Variants in FBP1 observed in about 807,000 individuals in gnomAD.
FBP1 encodes the protein fructose-bisphosphatase 1.
In FBP1, 22 loss-of-function variants were observed where a neutral mutation model predicts 29.9. The ratio of observed to expected loss-of-function variants is 0.74; its 90% CI spans 0.53 to 1.05. The LOEUF (loss-of-function observed/expected upper bound fraction) is 1.05. Among genes scored for constraint, FBP1 ranks in the 50% least tolerant of loss-of-function variants. The pLI, the probability that FBP1 is intolerant of heterozygous loss-of-function variation, is 0.00. For synonymous variants in FBP1, 175 were observed against 178.6 expected, an observed-to-expected ratio of 0.98 and a Z score of 0.16; for missense variants, 345 against 448.2, an observed-to-expected ratio of 0.77 and a Z score of 2.08.
At position 94,604,074 on chromosome 9, in the gene FBP1, G is replaced by A. The variant is rs1431002519; in HGVS notation, c.826-502C>T. 7 of 203,934 alleles carry A rather than the reference G, an allele frequency of 3.4e-5. No individual in the cohort carries two copies. In the South Asian group the frequency reaches 6.4e-4, roughly 19 times the overall value. The allele number at this position is 203,934 out of a possible 1,614,324, so 12.6% of individuals were successfully genotyped here. On this transcript the variant is annotated intron_variant, in intron 6 of 6. Coordinates refer to ENST00000375326, the MANE Select transcript of FBP1 (RefSeq NM_000507.4). ...GCATTCCTTTTACGATTCTCCGAAG[G>A]CTTTTGGGTTGGAATTCAGTGTATT...
At chr9:94,617,220 C>T (rs1827876880) in intron 3 of FBP1, among the ~76,000 whole-genome samples, 1 of 152,154 alleles carries the variant, frequency 6.6e-6, no homozygotes, top group Admixed American at 6.5e-5. Context: ...CCAATTAAAG[C>T]TTCATTCGTG....
chr9:94,609,802 C>G, intron 4 of FBP1, 119 bp downstream of exon 4: 1 of 1,125,158 alleles, frequency 8.9e-7, no homozygotes, highest in Middle Eastern at 2.8e-4. Context: ...ACATCATCAT[C>G]TCTGTCCCTC....
In FBP1 at chr9:94,603,197, G is replaced by A; in HGVS notation, c.*184C>T. On this transcript the variant is annotated 3_prime_UTR_variant, in exon 7 of 7. Transcript: ENST00000375326. ...ACTCAAAATATATCTTAACACCAGT[G>A]GCATTATGGAGACAGCATTTGGTTA... The A allele has an allele frequency of 1.6e-6, 1 of 635,140 alleles. No homozygotes were observed. Among genetic ancestry groups the A allele is most frequent in the South Asian group, 1.8e-5 (1 of 55,142 alleles). The allele number at this position is 635,140 out of a possible 1,614,324, so 39.3% of individuals were successfully genotyped here.
chr9:94,621,398 A>AAAAAAATAT (rs58726402), intron 1 of FBP1, among the ~76,000 whole-genome samples: 2 of 146,150 alleles, frequency 1.4e-5, no homozygotes, highest in African/African-American at 5.3e-5. Flanking sequence ...TCCGTCTAAA[A>AAAAAAATAT]ATATATATAT....
intron 1 of FBP1, among the ~76,000 whole-genome samples, chr9:94,638,186 T>C (rs1828223986): frequency 6.7e-6 from 1 of 148,334 alleles, no homozygotes; most frequent in Non-Finnish European, 1.5e-5. Flanking sequence ...CAAGAAGGGG[T>C]CCTTTGAGTC....
At chr9:94,617,741 C>T (rs774024350) in intron 3 of FBP1, 27 bp downstream of exon 3, 5 of 1,478,802 alleles carry the variant, frequency 3.4e-6, no homozygotes, top group Admixed American at 1.7e-5. Context: ...TGTCCCCAAA[C>T]CAAGTGCTTA....
chr9:94,622,757 A>G (rs1482145599), intron 1 of FBP1, among the ~76,000 whole-genome samples: 1 of 151,970 alleles, frequency 6.6e-6, no homozygotes, highest in Admixed American at 6.6e-5. Flanking sequence ...GCTCCACCCC[A>G]TGTCCCTGGG....
chr9:94,639,123 G>T lies in FBP1; in HGVS notation c.170+18C>A. Reference sequence around the variant, plus strand: ...GCAGACAGACAGGACGGGGCCCACCGCCCAAGGCCCGACTCACAGGTGCGC... The same window carrying T: ...GCAGACAGACAGGACGGGGCCCACCTCCCAAGGCCCGACTCACAGGTGCGC... On this transcript the variant is annotated intron_variant, in intron 1 of 6. Transcript: ENST00000375326. 6.3e-7 allele frequency: 1 copy of T among 1,584,128 alleles called. No homozygotes were observed. Among genetic ancestry groups the T allele is most frequent in the Non-Finnish European group, 8.6e-7 (1 of 1,166,560 alleles).
chr9:94,609,877 C>T (rs770139948), intron 4 of FBP1, 44 bp downstream of exon 4: 2 of 1,610,802 alleles, frequency 1.2e-6, no homozygotes, highest in Non-Finnish European at 8.5e-7. Flanking sequence ...TTCATTTGCT[C>T]ACAGACACCA....
chr9:94,613,136 C>G (rs1284428490), intron 3 of FBP1, among the ~76,000 whole-genome samples: 1 of 152,132 alleles, frequency 6.6e-6, no homozygotes, highest in Non-Finnish European at 1.5e-5. Flanking sequence ...GGAGCAGAAA[C>G]CAAACCCTAC....
chr9:94,620,384 C>T lies in FBP1; in HGVS notation c.278G>A (p.Cys93Tyr). 1 of 1,614,214 alleles carries T rather than the reference C, an allele frequency of 6.2e-7. No homozygotes were observed. The highest frequency in any genetic ancestry group is 2.2e-5 in the East Asian group (1 of 44,888). ...TTTATCTTCTTCTGACACGAGAACA[C>T]ACGTGGCAAAGGATGACTTTAACAT... Reference protein sequence around the residue: ...MNMLKSSFATCVLVSEEDKHA... With the variant: ...MNMLKSSFATYVLVSEEDKHA... Residue 93 changes from cysteine to tyrosine, a missense_variant, in exon 2 of 7, where the codon TGT (cysteine) becomes TAT (tyrosine). Coordinates refer to ENST00000375326, the MANE Select transcript of FBP1 (RefSeq NM_000507.4).
intron 3 of FBP1, among the ~76,000 whole-genome samples, chr9:94,617,064 G>A (rs1666871838): frequency 6.6e-6 from 1 of 152,124 alleles, no homozygotes; most frequent in Non-Finnish European, 1.5e-5. Flanking sequence ...TTAGAGCAAA[G>A]CTCAGTAAAC....
intron 1 of FBP1, among the ~76,000 whole-genome samples, chr9:94,633,232 C>T (rs1467562639): frequency 6.6e-6 from 1 of 152,040 alleles, no homozygotes; most frequent in Admixed American, 6.6e-5. Context: ...TCTTCCAAAT[C>T]CTTCCTCTCC....
intron 1 of FBP1, among the ~76,000 whole-genome samples, chr9:94,633,328 G>A (rs1010575178): frequency 5.9e-5 from 9 of 152,038 alleles, no homozygotes; most frequent in Admixed American, 3.3e-4. Flanking sequence ...TCGCTCTTCC[G>A]ATATACTTCC....
intron 1 of FBP1, among the ~76,000 whole-genome samples, chr9:94,621,797 C>A (rs1441587959): frequency 1.3e-5 from 2 of 152,118 alleles, no homozygotes; most frequent in Non-Finnish European, 2.9e-5. Context: ...ACCCAGCAAG[C>A]AAGGAAGCCT....
intron 1 of FBP1, among the ~76,000 whole-genome samples, chr9:94,623,240 C>T (rs1482895208): frequency 6.6e-6 from 1 of 152,144 alleles, no homozygotes; most frequent in Non-Finnish European, 1.5e-5. Flanking sequence ...CCACCTCAGC[C>T]TCCCAAAGTG....
chr9:94,614,555 G>A (rs1247230730), intron 3 of FBP1, among the ~76,000 whole-genome samples: 2 of 151,940 alleles, frequency 1.3e-5, no homozygotes, highest in African/African-American at 4.8e-5. Flanking sequence ...AGAAATAGTA[G>A]TAGTCGGTAG....
intron 3 of FBP1, among the ~76,000 whole-genome samples, chr9:94,614,857 C>T (rs1827839475): frequency 6.6e-6 from 1 of 152,182 alleles, no homozygotes; most frequent in African/African-American, 2.4e-5. Flanking sequence ...ACTGAAATGA[C>T]TTAGAGGTCT....
intron 3 of FBP1, among the ~76,000 whole-genome samples, chr9:94,616,429 A>G (rs934460652): frequency 6.6e-5 from 10 of 151,642 alleles, no homozygotes; most frequent in African/African-American, 1.2e-4. Context: ...CAAAGCTGTT[A>G]AAACTATATA....
Sources: gnomAD v4.1 joint callset for allele counts (sites outside exome capture counted in the v4.1 genomes callset) on GRCh38, gnomAD v4.1.1 for gene constraint, MANE v1.5 for transcripts, NCBI Gene and HGNC (gene_info 2026-07-23, HGNC 2026-07-21) for gene names.